The following CHRM3 variants were observed in gnomAD, a reference collection of about 807,000 sequenced individuals.
CHRM3 encodes the protein cholinergic receptor muscarinic 3, also known as muscarinic acetylcholine receptor M3.
CHRM3 carries 11 observed loss-of-function variants against 41.8 expected under a neutral mutation model. The observed-to-expected ratio is 0.26, with a 90% CI of 0.17 to 0.44. The LOEUF is 0.44. Ranked by LOEUF, CHRM3 falls within the 20% of genes least tolerant of loss-of-function variation. CHRM3 has a pLI of 1.00. For missense variants in CHRM3, 571 were observed against 745.4 expected, an observed-to-expected ratio of 0.77 and a Z score of 2.72; for synonymous variants, 297 against 301.4, an observed-to-expected ratio of 0.99 and a Z score of 0.15.
chr1:239,745,815 C>T (rs1372284007), intron 5 of CHRM3, among the ~76,000 whole-genome samples: 2 of 151,972 alleles, frequency 1.3e-5, no homozygotes. Context: ...GCAGCTGTTA[C>T]TTTTTCTTAT....
intron 4 of CHRM3, among the ~76,000 whole-genome samples, chr1:239,671,787 T>G (rs896115635): frequency 6.6e-6 from 1 of 152,192 alleles, no homozygotes; most frequent in African/African-American, 2.4e-5. Flanking sequence ...CTAAATTCTT[T>G]TTTTAGTTTA....
intron 4 of CHRM3, among the ~76,000 whole-genome samples, chr1:239,662,934 C>CTTCTTCTTCTTCTTCTTCTCA: frequency 5.2e-5 from 1 of 19,130 alleles, no homozygotes; most frequent in Non-Finnish European, 9.1e-5. Context: ...TCTTCTTCTC[C>CTTCTTCTTCTTCTTCTTCTCA]TCTTCTTCTT....
intron 5 of CHRM3, among the ~76,000 whole-genome samples, chr1:239,793,522 T>G (rs2148875583): frequency 6.6e-6 from 1 of 152,340 alleles, no homozygotes; most frequent in Admixed American, 6.5e-5. Flanking sequence ...AAGTGATTTC[T>G]AATAATGTTC....
chr1:239,642,638 T>A (rs1398080456), intron 4 of CHRM3, among the ~76,000 whole-genome samples: 3 of 152,218 alleles, frequency 2.0e-5, no homozygotes, highest in Admixed American at 1.3e-4. Context: ...AGCACTTCTC[T>A]GTATTGGTTA....
intron 4 of CHRM3, among the ~76,000 whole-genome samples, chr1:239,655,869 G>A (rs1044675835): frequency 2.0e-5 from 3 of 152,266 alleles, no homozygotes; most frequent in Admixed American, 6.5e-5. Flanking sequence ...ACATAAAAAT[G>A]TTGGTGTTGG....
chr1:239,529,762 T>C (rs1242737821), intron 2 of CHRM3, among the ~76,000 whole-genome samples: 2 of 152,194 alleles, frequency 1.3e-5, no homozygotes, highest in Non-Finnish European at 2.9e-5. Flanking sequence ...CTAATAGCCA[T>C]TATCTTCAGA....
At chr1:239,751,946 C>T (rs1445435384) in intron 5 of CHRM3, among the ~76,000 whole-genome samples, 2 of 152,128 alleles carry the variant, frequency 1.3e-5, no homozygotes, top group Non-Finnish European at 2.9e-5. Flanking sequence ...AAGAGCTCAT[C>T]AGGACTACAT....
chr1:239,618,626 C>A (rs559201340), intron 3 of CHRM3, among the ~76,000 whole-genome samples: 7 of 151,686 alleles, frequency 4.6e-5, no homozygotes, highest in South Asian at 2.1e-4. Context: ...GGTCGGATCA[C>A]GAGGTCAGGA....
At chr1:239,722,514 T>C (rs1167225509) in intron 5 of CHRM3, among the ~76,000 whole-genome samples, 1 of 151,970 alleles carries the variant, frequency 6.6e-6, no homozygotes, top group Non-Finnish European at 1.5e-5. Context: ...TCATTGCCTA[T>C]AGGAGTTGTG....
intron 3 of CHRM3, among the ~76,000 whole-genome samples, chr1:239,597,480 T>C (rs1377984325): frequency 1.3e-5 from 2 of 151,188 alleles, no homozygotes; most frequent in Admixed American, 6.6e-5. Flanking sequence ...TTTCTGATCT[T>C]GTAGATTTTT....
At chr1:239,895,280 C>A (rs1236815637) in intron 6 of CHRM3, among the ~76,000 whole-genome samples, 1 of 152,022 alleles carries the variant, frequency 6.6e-6, no homozygotes, top group Non-Finnish European at 1.5e-5. Flanking sequence ...CCATCCCTCC[C>A]GAGTGCCACT....
intron 3 of CHRM3, among the ~76,000 whole-genome samples, chr1:239,573,178 C>T (rs1661993750): frequency 6.6e-6 from 1 of 152,084 alleles, no homozygotes; most frequent in Non-Finnish European, 1.5e-5. Flanking sequence ...CCATTTAGTG[C>T]CAACTTTTTT....
At chr1:239,399,634 C>A (rs1270055815) in intron 1 of CHRM3, among the ~76,000 whole-genome samples, 2 of 152,102 alleles carry the variant, frequency 1.3e-5, no homozygotes, top group East Asian at 3.9e-4. Context: ...TCACTTAACA[C>A]AACGTCCTCC....
At chr1:239,501,663 G>T (rs1668248802) in intron 2 of CHRM3, among the ~76,000 whole-genome samples, 1 of 152,022 alleles carries the variant, frequency 6.6e-6, no homozygotes, top group East Asian at 1.9e-4. Context: ...AGACCATTCT[G>T]GCTAACACAG....
intron 1 of CHRM3, among the ~76,000 whole-genome samples, chr1:239,459,792 C>T (rs564384008): frequency 8.5e-5 from 13 of 152,178 alleles, no homozygotes; most frequent in Middle Eastern, 3.4e-3. Flanking sequence ...TTTCTCCAAA[C>T]GATTCTTATT....
chr1:239,663,678 C>T (rs376697143), intron 4 of CHRM3, among the ~76,000 whole-genome samples: 3 of 152,166 alleles, frequency 2.0e-5, no homozygotes, highest in Non-Finnish European at 4.4e-5. Context: ...CCAATGTCCT[C>T]GTAAATTTTA....
At chr1:239,593,242 C>A (rs1664389728) in intron 3 of CHRM3, among the ~76,000 whole-genome samples, 2 of 152,102 alleles carry the variant, frequency 1.3e-5, no homozygotes, top group African/African-American at 2.4e-5. Context: ...CCATGATTGA[C>A]CTTAAAAACC....
At position 239,404,733 on chromosome 1, in the gene CHRM3, TATA is replaced by T. The variant is rs1558196577; in HGVS notation, c.-521+17507_-521+17509del. Among the ~76,000 whole-genome samples, 5 of 140,234 alleles carry T rather than the reference TATA, an allele frequency of 3.6e-5. No homozygotes were observed. The East Asian group carries it at 1.1e-3, about 29-fold the overall frequency. The allele number at this position is 140,234 out of a possible 152,430, so 92.0% of individuals were successfully genotyped here. A position where few individuals can be genotyped will look rare whatever the true frequency, so the allele number is the denominator to read the frequency against. On this transcript the variant is annotated intron_variant, in intron 1 of 6. Transcript: ENST00000676153. ...TGCTATATCTAAATATATATATATA[TATA>T]TATATATATATATATATATATGGAA...
At chr1:239,484,141 A>G (rs2148019065) in intron 1 of CHRM3, among the ~76,000 whole-genome samples, 1 of 152,256 alleles carries the variant, frequency 6.6e-6, no homozygotes, top group African/African-American at 2.4e-5. Context: ...GTAATTTATA[A>G]AGAAAAGAGG....
Sources: allele counts gnomAD v4.1 joint callset (sites outside exome capture counted in the v4.1 genomes callset), GRCh38; gene constraint gnomAD v4.1.1; transcripts MANE v1.5; gene names NCBI Gene and HGNC (gene_info 2026-07-23, HGNC 2026-07-21).